RALYL: variants seen among roughly 807,000 people sequenced by gnomAD.
RALYL encodes RNA-binding Raly-like protein.
A neutral mutation model predicts 35.1 loss-of-function variants in RALYL; 29 were observed. That is an observed-to-expected ratio of 0.83 (90% CI 0.61 to 1.13). RALYL has a LOEUF of 1.13. Among genes scored for constraint, RALYL ranks in the 50% most tolerant of loss-of-function variants. The probability of loss-of-function intolerance (pLI) is 0.00; values close to 1 mark genes in which losing one functional copy is unlikely to be tolerated. For synonymous variants in RALYL, 120 were observed against 127.6 expected, an observed-to-expected ratio of 0.94 and a Z score of 0.40; for missense variants, 359 against 360.4, an observed-to-expected ratio of 1.00 and a Z score of 0.03.
chr8:84,773,946 C>T (rs1447093307), intron 2 of RALYL, among the ~76,000 whole-genome samples: 5 of 152,156 alleles, frequency 3.3e-5, no homozygotes, highest in Non-Finnish European at 5.9e-5. Flanking sequence ...TGGCCAGTCA[C>T]AGCGGCTCAC....
At chr8:84,885,165 C>G (rs1312879685) in intron 7 of RALYL, among the ~76,000 whole-genome samples, 1 of 151,862 alleles carries the variant, frequency 6.6e-6, no homozygotes, top group African/African-American at 2.4e-5. Context: ...AACTGTAGAG[C>G]ACAATGAATG....
chr8:84,404,346 A>G (rs1396459678), intron 1 of RALYL, among the ~76,000 whole-genome samples: 3 of 152,228 alleles, frequency 2.0e-5, no homozygotes, highest in Non-Finnish European at 4.4e-5. Flanking sequence ...GATATGTTCC[A>G]TCAATACCTA....
At chr8:84,246,520 G>A (rs189707078) in intron 1 of RALYL, among the ~76,000 whole-genome samples, 4 of 152,186 alleles carry the variant, frequency 2.6e-5, no homozygotes, top group African/African-American at 9.6e-5. Flanking sequence ...GAATTTTCCA[G>A]GTATAGAAAG....
At chr8:84,694,550 A>G (rs1341373165) in intron 2 of RALYL, among the ~76,000 whole-genome samples, 6 of 151,858 alleles carry the variant, frequency 4.0e-5, no homozygotes, top group African/African-American at 9.7e-5. Flanking sequence ...TGTAGATTCA[A>G]TGAAATACTC....
intron 1 of RALYL, among the ~76,000 whole-genome samples, chr8:84,239,270 C>T (rs983460296): frequency 1.3e-5 from 2 of 152,162 alleles, no homozygotes; most frequent in Admixed American, 6.5e-5. Context: ...CCATGGACAA[C>T]TCAAATAAAA....
intron 1 of RALYL, among the ~76,000 whole-genome samples, chr8:84,427,038 G>A (rs2046563055): frequency 6.6e-6 from 1 of 152,052 alleles, no homozygotes; most frequent in Non-Finnish European, 1.5e-5. Flanking sequence ...GCTAGGATAT[G>A]GAAACAACTC....
intron 7 of RALYL, among the ~76,000 whole-genome samples, chr8:84,873,935 G>C (rs1206656344): frequency 6.6e-6 from 1 of 152,134 alleles, no homozygotes; most frequent in Non-Finnish European, 1.5e-5. Context: ...CAATTTAATA[G>C]CCTCTGTCTT....
chr8:84,404,486 G>T (rs116522537), intron 1 of RALYL, among the ~76,000 whole-genome samples: 4,302 of 151,800 alleles, frequency 0.028, 197 homozygotes, highest in African/African-American at 0.098. Context: ...ATTGATTTGC[G>T]ATGTTGAACC....
intron 2 of RALYL, 76 bp downstream of exon 2, chr8:84,529,653 A>G (rs2059146255): frequency 3.7e-6 from 5 of 1,357,502 alleles, no homozygotes; most frequent in Non-Finnish European, 5.0e-6. Context: ...AAAACCCAAC[A>G]CCACTGTTGT....
At chr8:84,627,902 A>G (rs1188174173) in intron 2 of RALYL, among the ~76,000 whole-genome samples, 1 of 152,006 alleles carries the variant, frequency 6.6e-6, no homozygotes, top group Admixed American at 6.6e-5. Context: ...CACTAAATTC[A>G]TGTCTATTTC....
intron 1 of RALYL, among the ~76,000 whole-genome samples, chr8:84,500,301 G>A (rs1408995642): frequency 6.6e-6 from 1 of 152,016 alleles, no homozygotes; most frequent in Non-Finnish European, 1.5e-5. Context: ...GATAATCAAG[G>A]CTGAATAACA....
At chr8:84,522,541 GC>G (rs959686352) in intron 1 of RALYL, among the ~76,000 whole-genome samples, 55 of 152,172 alleles carry the variant, frequency 3.6e-4, no homozygotes, top group African/African-American at 9.6e-4. Context: ...GAGCCACCGC[GC>G]CCGGCCTAGA....
chr8:84,784,534 AAGCTAGAAG>A (rs1818920705), intron 3 of RALYL, among the ~76,000 whole-genome samples: 1 of 152,228 alleles, frequency 6.6e-6, no homozygotes, highest in Non-Finnish European at 1.5e-5. Flanking sequence ...TACAAATCAT[AAGCTAGAAG>A]ACTTTAGGTT....
intron 1 of RALYL, among the ~76,000 whole-genome samples, chr8:84,362,867 A>C (rs1853370101): frequency 2.0e-5 from 3 of 152,140 alleles, no homozygotes; most frequent in Admixed American, 1.3e-4. Context: ...GAGTAGAAAA[A>C]TAGAAGAACC....
intron 1 of RALYL, among the ~76,000 whole-genome samples, chr8:84,266,946 C>T (rs1362303231): frequency 7.9e-6 from 1 of 126,814 alleles, no homozygotes; most frequent in East Asian, 2.2e-4. Context: ...GGCGACAGAG[C>T]GAGACTCCGT....
chr8:84,638,306 A>C (rs1467900732), intron 2 of RALYL, among the ~76,000 whole-genome samples: 3 of 151,978 alleles, frequency 2.0e-5, no homozygotes, highest in African/African-American at 7.2e-5. Flanking sequence ...GGACACAGCA[A>C]GTGTGGTGCT....
At chr8:84,892,911 C>A (rs1653553196) in intron 8 of RALYL, among the ~76,000 whole-genome samples, 1 of 152,110 alleles carries the variant, frequency 6.6e-6, no homozygotes, top group African/African-American at 2.4e-5. Context: ...ATGCACTATA[C>A]ATACACTATG....
intron 1 of RALYL, among the ~76,000 whole-genome samples, chr8:84,203,934 T>G (rs1297424715): frequency 6.6e-6 from 1 of 152,074 alleles, no homozygotes; most frequent in African/African-American, 2.4e-5. Context: ...TACTCTCTTA[T>G]AGTGCTTATA....
chr8:84,795,384 T>C (rs1464609693), intron 3 of RALYL, among the ~76,000 whole-genome samples: 1 of 151,980 alleles, frequency 6.6e-6, no homozygotes, highest in Non-Finnish European at 1.5e-5. Context: ...TGATTCCTTT[T>C]TATCTCTGTT....
Sources: gnomAD v4.1 joint callset for allele counts (sites outside exome capture counted in the v4.1 genomes callset) on GRCh38, gnomAD v4.1.1 for gene constraint, MANE v1.5 for transcripts, NCBI Gene and HGNC (gene_info 2026-07-23, HGNC 2026-07-21) for gene names.